FBXL13: variants seen among roughly 807,000 people sequenced by gnomAD.
The protein encoded by FBXL13 is F-box and leucine rich repeat protein 13.
FBXL13 carries 67 observed loss-of-function variants against 83.6 expected under a neutral mutation model. The ratio of observed to expected loss-of-function variants is 0.80; its 90% CI spans 0.66 to 0.98. The LOEUF (loss-of-function observed/expected upper bound fraction) is 0.98, where lower values mean the gene tolerates loss of function less well. Among genes scored for constraint, FBXL13 ranks in the 50% least tolerant of loss-of-function variants. FBXL13 has a pLI of 0.00. For synonymous variants in FBXL13, 272 were observed against 299.5 expected, an observed-to-expected ratio of 0.91 and a Z score of 0.95; for missense variants, 822 against 866.5, an observed-to-expected ratio of 0.95 and a Z score of 0.64.
chr7:102,930,692 A>G (rs930557562), intron 9 of FBXL13, among the ~76,000 whole-genome samples: 2 of 152,152 alleles, frequency 1.3e-5, no homozygotes, highest in Non-Finnish European at 2.9e-5. Flanking sequence ...TTCCTTCTGA[A>G]TATCCTCTGT....
At chr7:102,878,255 C>A in intron 15 of FBXL13, 76 bp downstream of exon 16, 1 of 1,305,542 alleles carries the variant, frequency 7.7e-7, no homozygotes, top group Non-Finnish European at 1.0e-6. Context: ...GAAATCTTTG[C>A]TTTTAGGTGT....
chr7:102,977,697 C>T (rs1827663983), intron 6 of FBXL13, among the ~76,000 whole-genome samples: 1 of 152,112 alleles, frequency 6.6e-6, no homozygotes, highest in Non-Finnish European at 1.5e-5. Flanking sequence ...TGGAACCAAC[C>T]CAAATGTCCA....
chr7:103,032,041 C>T (rs1585455601), intron 2 of FBXL13, among the ~76,000 whole-genome samples: 1 of 152,198 alleles, frequency 6.6e-6, no homozygotes, highest in South Asian at 2.1e-4. Flanking sequence ...AAGCTGAGTT[C>T]CAGCAGCATA....
intron 17 of FBXL13, among the ~76,000 whole-genome samples, chr7:102,841,455 G>C (rs563458490): frequency 1.3e-5 from 2 of 152,320 alleles, no homozygotes; most frequent in East Asian, 3.9e-4. Context: ...AGTTGTCTGA[G>C]AGTGGTTCTT....
chr7:102,880,934 C>G (rs1402918408), intron 14 of FBXL13, among the ~76,000 whole-genome samples: 1 of 152,102 alleles, frequency 6.6e-6, no homozygotes, highest in African/African-American at 2.4e-5. Context: ...GCTGCTCAAC[C>G]TTTTGTGTTT....
At chr7:103,034,203 T>G (rs1794829458) in intron 2 of FBXL13, among the ~76,000 whole-genome samples, 2 of 152,192 alleles carry the variant, frequency 1.3e-5, no homozygotes, top group Non-Finnish European at 2.9e-5. Flanking sequence ...GCACTGGGGC[T>G]GCAGGTGGAG....
intron 6 of FBXL13, among the ~76,000 whole-genome samples, chr7:102,970,580 G>T (rs1289905589): frequency 6.6e-6 from 1 of 152,098 alleles, no homozygotes. Flanking sequence ...GGCCTTACAG[G>T]ATACCCATGG....
At chr7:102,939,527 T>G in intron 8 of FBXL13, 1 of 1,614,074 alleles carries the variant, frequency 6.2e-7, no homozygotes, top group Non-Finnish European at 8.5e-7. Flanking sequence ...AATTTGAAGA[T>G]GTTCATGAGC....
At chr7:102,965,276 T>C (rs1825854912) in intron 7 of FBXL13, among the ~76,000 whole-genome samples, 1 of 152,232 alleles carries the variant, frequency 6.6e-6, no homozygotes, top group Admixed American at 6.5e-5. Context: ...AATCCCATCC[T>C]AGCCATTTAA....
intron 5 of FBXL13, among the ~76,000 whole-genome samples, chr7:103,025,952 G>A (rs1051063202): frequency 1.3e-5 from 2 of 150,748 alleles, no homozygotes; most frequent in Admixed American, 6.6e-5. Context: ...CATATATCTA[G>A]AAAAAAAGTT....
intron 11 of FBXL13, among the ~76,000 whole-genome samples, chr7:102,909,000 G>C (rs190127687): frequency 2.0e-5 from 3 of 152,334 alleles, no homozygotes; most frequent in Admixed American, 6.5e-5. Context: ...AGGTCCCCCA[G>C]ACCCCAGGTG....
chr7:103,029,359 A>G (rs550022332), exon 3 of FBXL13: 4 of 1,544,866 alleles, frequency 2.6e-6, no homozygotes, highest in South Asian at 2.5e-5. Context: ...ACCAAAAATG[A>G]GTCTTTACTA....
chr7:102,895,453 G>A (rs1160921312), intron 11 of FBXL13, among the ~76,000 whole-genome samples: 1 of 152,138 alleles, frequency 6.6e-6, no homozygotes, highest in Non-Finnish European at 1.5e-5. Context: ...TCTGAAACAC[G>A]GTCCAAACTC....
intron 6 of FBXL13, among the ~76,000 whole-genome samples, chr7:103,016,760 C>T (rs376036542): frequency 4.6e-5 from 7 of 152,226 alleles, no homozygotes; most frequent in East Asian, 1.9e-4. Context: ...AACTGCAAGG[C>T]GGCAGTGAGA....
intron 6 of FBXL13, among the ~76,000 whole-genome samples, chr7:102,979,141 C>G (rs1585222159): frequency 6.6e-6 from 1 of 152,150 alleles, no homozygotes; most frequent in Admixed American, 6.6e-5. Flanking sequence ...CAGTTAATTG[C>G]TCTGATCCAA....
intron 6 of FBXL13, among the ~76,000 whole-genome samples, chr7:103,021,262 G>A (rs1326203492): frequency 1.3e-5 from 2 of 152,142 alleles, no homozygotes; most frequent in East Asian, 3.8e-4. Context: ...AATGGTGCTG[G>A]AAAAACTGGC....
intron 6 of FBXL13, among the ~76,000 whole-genome samples, chr7:102,993,833 A>T (rs977397476): frequency 1.2e-4 from 18 of 152,332 alleles, no homozygotes; most frequent in Admixed American, 7.2e-4. Context: ...ACAGTTTGTT[A>T]TGTGTATTCT....
intron 2 of FBXL13, among the ~76,000 whole-genome samples, chr7:103,047,687 C>T (rs903320677): frequency 6.6e-6 from 1 of 151,974 alleles, no homozygotes; most frequent in Non-Finnish European, 1.5e-5. Context: ...TTTATAAGTC[C>T]TATACATTTT....
chr7:102,952,776 G>A (rs554867261), intron 8 of FBXL13, among the ~76,000 whole-genome samples: 1 of 152,208 alleles, frequency 6.6e-6, no homozygotes, highest in East Asian at 1.9e-4. Context: ...TTGAGGTCAG[G>A]AGTTCTAGAC....
Sources: allele counts gnomAD v4.1 joint callset (sites outside exome capture counted in the v4.1 genomes callset), GRCh38; gene constraint gnomAD v4.1.1; transcripts MANE v1.5; gene names NCBI Gene and HGNC (gene_info 2026-07-23, HGNC 2026-07-21).